Variants in FSD1L observed in about 807,000 individuals in gnomAD.
The protein encoded by FSD1L is fibronectin type III and SPRY domain containing 1 like, also known as FSD1-like protein.
In FSD1L, 45 loss-of-function variants were observed where a neutral mutation model predicts 71.6. The ratio of observed to expected loss-of-function variants is 0.63; its 90% CI spans 0.49 to 0.81. FSD1L has a LOEUF of 0.81. Among genes scored for constraint, FSD1L ranks in the 30% least tolerant of loss-of-function variants. The pLI, the probability that FSD1L is intolerant of heterozygous loss-of-function variation, is 0.00. For synonymous variants in FSD1L, 197 were observed against 207.2 expected (o/e 0.95, Z 0.42); for missense variants, 561 against 618.1 (o/e 0.91, Z 0.98).
At chr9:105,492,221 T>A (rs190595461) in intron 7 of FSD1L, among the ~76,000 whole-genome samples, 5 of 152,294 alleles carry the variant, frequency 3.3e-5, no homozygotes, top group Admixed American at 6.5e-5. Flanking sequence ...CCTGGTTTAG[T>A]CTTGGGAGGG....
intron 1 of FSD1L, among the ~76,000 whole-genome samples, chr9:105,460,368 A>T (rs1323266814): frequency 6.6e-6 from 1 of 151,946 alleles, no homozygotes; most frequent in Non-Finnish European, 1.5e-5. Context: ...GAAGTGGGTG[A>T]ATCACAAGGT....
chr9:105,531,242 A>C (rs1835877027), intron 10 of FSD1L, among the ~76,000 whole-genome samples: 1 of 152,148 alleles, frequency 6.6e-6, no homozygotes, highest in Admixed American at 6.5e-5. Flanking sequence ...TTGCATTTTT[A>C]AAAGGTCCCC....
At chr9:105,524,782 T>C (rs2131437569) in intron 10 of FSD1L, 5 of 1,600,824 alleles carry the variant, frequency 3.1e-6, no homozygotes, top group Non-Finnish European at 2.6e-6. Context: ...CGCACTGTTA[T>C]TACACATCTG....
At chr9:105,516,311 G>A (rs1016836548) in intron 10 of FSD1L, among the ~76,000 whole-genome samples, 12 of 152,186 alleles carry the variant, frequency 7.9e-5, no homozygotes, top group African/African-American at 2.4e-4. Flanking sequence ...AGAAAGCAGC[G>A]GACCTCCAAG....
Position 105,543,540 on chromosome 9 carries a change from C to T in FSD1L, c.1468-2818C>T, listed in dbSNP as rs530056847. 4.6e-5 allele frequency among the ~76,000 whole-genome samples: 7 copies of T among 152,236 alleles called. No individual in the cohort carries two copies. The South Asian group carries it at 1.5e-3, about 32-fold the overall frequency. On this transcript the variant is annotated intron_variant, in intron 13 of 13. Coordinates refer to ENST00000481272, the MANE Select transcript of FSD1L (RefSeq NM_001145313.3). ...TGTTGGTGTGCTGCACCCATTAACT[C>T]GTCATTTACCTTAGGTATATCTCCT...
chr9:105,521,256 A>C, intron 10 of FSD1L: 1 of 1,614,208 alleles, frequency 6.2e-7, no homozygotes. Flanking sequence ...CTTGCCAAAG[A>C]ATATTCAGAG....
intron 13 of FSD1L, among the ~76,000 whole-genome samples, chr9:105,545,101 A>C (rs897754331): frequency 6.6e-6 from 1 of 151,752 alleles, no homozygotes; most frequent in Non-Finnish European, 1.5e-5. Context: ...CTTTTATTTC[A>C]TTGAGCAGTG....
At chr9:105,465,248 G>A (rs1830979835) in intron 3 of FSD1L, among the ~76,000 whole-genome samples, 1 of 152,102 alleles carries the variant, frequency 6.6e-6, no homozygotes, top group African/African-American at 2.4e-5. Flanking sequence ...AATGAATAAG[G>A]AAATTGAATC....
At chr9:105,540,455 C>T (rs1444913371) in intron 13 of FSD1L, among the ~76,000 whole-genome samples, 1 of 152,018 alleles carries the variant, frequency 6.6e-6, no homozygotes, top group Non-Finnish European at 1.5e-5. Context: ...TTACAGTTAG[C>T]ACTTTTTGTG....
At chr9:105,469,479 A>G (rs890452191) in intron 4 of FSD1L, among the ~76,000 whole-genome samples, 2 of 151,682 alleles carry the variant, frequency 1.3e-5, no homozygotes, top group Non-Finnish European at 2.9e-5. Flanking sequence ...GTATGACATG[A>G]TATTTCATTA....
At chr9:105,526,377 C>T (rs754140752) in intron 10 of FSD1L, 9 of 1,613,150 alleles carry the variant, frequency 5.6e-6, no homozygotes, top group Middle Eastern at 1.9e-4. Context: ...TTCTGTTTAT[C>T]TGAAGGCTCC....
At chr9:105,529,628 G>A (rs891097559) in intron 10 of FSD1L, among the ~76,000 whole-genome samples, 1 of 152,046 alleles carries the variant, frequency 6.6e-6, no homozygotes, top group African/African-American at 2.4e-5. Flanking sequence ...TCGGGGTGGG[G>A]GTCTAGAGGT....
At position 105,545,602 on chromosome 9, in the gene FSD1L, A is replaced by G. The variant is rs547208383; in HGVS notation, c.1468-756A>G. Among the ~76,000 whole-genome samples, 6 of 151,814 alleles carry G rather than the reference A, an allele frequency of 4.0e-5. No homozygotes were observed. The South Asian group carries it at 1.0e-3, about 26-fold the overall frequency. ...TATTATTTTGAGATATGTACCGTCA[A>G]TACCTAATTTATTGAGAGTTTTTAG... is the stretch of plus-strand genomic sequence containing the variant. On this transcript the variant is annotated intron_variant, in intron 13 of 13. Coordinates refer to ENST00000481272, the MANE Select transcript of FSD1L (RefSeq NM_001145313.3).
chr9:105,453,763 C>T (rs993173663), intron 1 of FSD1L, among the ~76,000 whole-genome samples: 16 of 152,198 alleles, frequency 1.1e-4, no homozygotes, highest in African/African-American at 3.6e-4. Flanking sequence ...GTTTGCAATG[C>T]GTGGCTGAAT....
chr9:105,546,304 C>T lies in FSD1L; in HGVS notation c.1468-54C>T, dbSNP rs934841513. ...GCCTTTGAAATGGAAATTTAAAAATCACTGAAATTCTAGTTTGATTTGCAA... is the reference window on the plus strand; with the variant it reads ...GCCTTTGAAATGGAAATTTAAAAATTACTGAAATTCTAGTTTGATTTGCAA... On this transcript the variant is annotated intron_variant, in intron 13 of 13. Transcript: ENST00000481272. The T allele has an allele frequency of 3.3e-5, 49 of 1,469,686 alleles. No homozygotes were observed. In the East Asian group the frequency reaches 1.2e-3, roughly 35 times the overall value. 91.0% of individuals were successfully genotyped at this position (1,469,686 alleles called of 1,614,324 possible).
chr9:105,469,325 A>C (rs1257543817), intron 4 of FSD1L, among the ~76,000 whole-genome samples: 2 of 151,832 alleles, frequency 1.3e-5, no homozygotes, highest in African/African-American at 2.4e-5. Flanking sequence ...TCTCTTTATA[A>C]TTTTCTGAGG....
chr9:105,481,031 A>G (rs1764835844), intron 6 of FSD1L, among the ~76,000 whole-genome samples: 2 of 151,886 alleles, frequency 1.3e-5, no homozygotes, highest in Admixed American at 6.6e-5. Context: ...ACCAATTTCA[A>G]TGGCTGTATT....
chr9:105,503,915 A>ACTTGACTT (rs1464579477), intron 7 of FSD1L, among the ~76,000 whole-genome samples: 3 of 152,004 alleles, frequency 2.0e-5, no homozygotes, highest in African/African-American at 7.3e-5. Context: ...CCATTTTGTC[A>ACTTGACTT]CTTGACTTTC....
chr9:105,443,095 A>G (rs891653057), upstream of FSD1L, among the ~76,000 whole-genome samples: 3 of 152,214 alleles, frequency 2.0e-5, no homozygotes, highest in African/African-American at 7.2e-5. Context: ...CTGACTGCTT[A>G]CCACTTGGCT....
Sources: allele counts gnomAD v4.1 joint callset (sites outside exome capture counted in the v4.1 genomes callset), GRCh38; gene constraint gnomAD v4.1.1; transcripts MANE v1.5; gene names NCBI Gene and HGNC (gene_info 2026-07-23, HGNC 2026-07-21).